The following ZNF253 variants were observed in gnomAD, a reference collection of about 807,000 sequenced individuals.
The protein encoded by ZNF253 is zinc finger protein 253.
Under a neutral mutation model 11.9 loss-of-function variants are expected in ZNF253, and 8 were observed. The observed-to-expected ratio is 0.67, with a 90% CI of 0.40 to 1.22. ZNF253 has a LOEUF of 1.22. ZNF253 is among the 50% of genes most tolerant of loss of function. The probability of loss-of-function intolerance (pLI) is 0.01; values close to 1 mark genes in which losing one functional copy is unlikely to be tolerated. For synonymous variants in ZNF253, 194 were observed against 194.9 expected, an observed-to-expected ratio of 1.00 and a Z score of 0.04; for missense variants, 485 against 586.9, an observed-to-expected ratio of 0.83 and a Z score of 1.79.
intron 1 of ZNF253, among the ~76,000 whole-genome samples, chr19:19,871,831 T>A (rs959379835): frequency 1.4e-4 from 21 of 152,206 alleles, no homozygotes; most frequent in Non-Finnish European, 2.1e-4. Flanking sequence ...GAAGATTTTC[T>A]GGGGCTGGAG....
intron 1 of ZNF253, among the ~76,000 whole-genome samples, chr19:19,877,538 GCTAATTT>G (rs2063160600): frequency 6.6e-6 from 1 of 152,100 alleles, no homozygotes; most frequent in Admixed American, 6.5e-5. Flanking sequence ...ACAACGCCCA[GCTAATTT>G]TGTATTATCA....
At position 19,888,907 on chromosome 19, in the gene ZNF253, A is replaced by G. The variant is rs549261333; in HGVS notation, c.227-2567A>G. 4.0e-3 allele frequency among the ~76,000 whole-genome samples: 607 copies of G among 152,260 alleles called. 2 individuals are homozygous for G. The highest frequency in any genetic ancestry group is 6.1e-3 in the Non-Finnish European group (415 of 68,002). ...GGTAGGGCATATGCAGTGCCAATAT[A>G]CTTTCTTAGGATTTGGTTATTTTGG... On this transcript the variant is annotated intron_variant, in intron 3 of 3. Coordinates refer to ENST00000589717, the MANE Select transcript of ZNF253 (RefSeq NM_021047.3).
chr19:19,878,205 A>G (rs2063163248), intron 1 of ZNF253, among the ~76,000 whole-genome samples: 1 of 152,212 alleles, frequency 6.6e-6, no homozygotes, highest in Non-Finnish European at 1.5e-5. Flanking sequence ...CAAATATAGC[A>G]CTAAAAAATG....
intron 3 of ZNF253, among the ~76,000 whole-genome samples, chr19:19,883,762 G>A (rs1413229518): frequency 6.6e-6 from 1 of 151,928 alleles, no homozygotes; most frequent in African/African-American, 2.4e-5. Flanking sequence ...GACTACTTAT[G>A]ATACCTCATA....
chr19:19,879,855 C>G (rs1004070217), intron 2 of ZNF253, among the ~76,000 whole-genome samples, 196 bp from the exon 3 acceptor site: 6 of 152,052 alleles, frequency 3.9e-5, no homozygotes, highest in Admixed American at 3.3e-4. Flanking sequence ...ATTTTTGATT[C>G]AGTAGTATCA....
chr19:19,866,117 C>T, intron 1 of ZNF253, 118 bp downstream of exon 1: 4 of 1,383,020 alleles, frequency 2.9e-6, no homozygotes, highest in Non-Finnish European at 4.1e-6. Context: ...CCGGAGTTCT[C>T]CCTGCCCAGC....
chr19:19,876,409 T>C (rs1294035176), intron 1 of ZNF253, among the ~76,000 whole-genome samples: 1 of 152,204 alleles, frequency 6.6e-6, no homozygotes, highest in Non-Finnish European at 1.5e-5. Context: ...TAGGTCAGTG[T>C]GGCACATATT....
At chr19:19,883,430 A>T (rs538440576) in intron 3 of ZNF253, among the ~76,000 whole-genome samples, 11 of 152,138 alleles carry the variant, frequency 7.2e-5, no homozygotes, top group African/African-American at 2.2e-4. Flanking sequence ...TGGGGAATAT[A>T]TGGAGACCTC....
In ZNF253 at chr19:19,885,033, C is replaced by T. The variant is rs188620921; in HGVS notation, c.226+4887C>T. Among the ~76,000 whole-genome samples the T allele has an allele frequency of 1.1e-4, 16 of 152,100 alleles. No individual in the cohort carries two copies. In the East Asian group the frequency reaches 3.1e-3, roughly 29 times the overall value. ...ATATTTTGAATATTAACTCTTTTAA[C>T]AAGTAATATGTAAATGTTTTCAACT... On this transcript the variant is annotated intron_variant, in intron 3 of 3. Transcript: ENST00000589717.
chr19:19,867,403 C>T (rs963502075), intron 1 of ZNF253, among the ~76,000 whole-genome samples: 3 of 151,988 alleles, frequency 2.0e-5, no homozygotes, highest in Admixed American at 6.6e-5. Context: ...CACTTATTGC[C>T]CAGGCTAGAG....
chr19:19,889,374 T>C (rs907151114), intron 3 of ZNF253, among the ~76,000 whole-genome samples: 2 of 152,114 alleles, frequency 1.3e-5, no homozygotes, highest in Non-Finnish European at 2.9e-5. Context: ...TGAGACAGAG[T>C]CTCACTCTGT....
At chr19:19,888,412 CTCTT>C (rs1363410288) in intron 3 of ZNF253, among the ~76,000 whole-genome samples, 3 of 148,518 alleles carry the variant, frequency 2.0e-5, no homozygotes, top group East Asian at 2.0e-4. Context: ...GTCTCTTTTT[CTCTT>C]TCTGTCTTTT....
Position 19,891,568 on chromosome 19 carries a change from T to C in ZNF253, c.321T>C (p.His107=). The C allele has an allele frequency of 3.7e-6, 6 of 1,614,046 alleles. No individual in the cohort carries two copies. The highest frequency in any genetic ancestry group is 5.1e-6 in the Non-Finnish European group (6 of 1,179,986). Residue 107 remains histidine (H), a synonymous_variant, in exon 4 of 4, where the codon CAT becomes CAC. Transcript: ENST00000589717. ...TGAGAAGATATGAAGAATGCAGACA[T>C]GACAATTTACAGTTAAAAAAAGGCT... The part of the protein sequence containing the change: ...GMLRRYEECR[H]DNLQLKKGCK...
At position 19,866,812 on chromosome 19, in the gene ZNF253, C is replaced by G. The variant is rs7250887; in HGVS notation, c.3+813C>G. 7.7e-3 allele frequency among the ~76,000 whole-genome samples: 1,173 copies of G among 152,226 alleles called. 16 individuals are homozygous for G. Among genetic ancestry groups the G allele is most frequent in the African/African-American group, 0.027 (1,104 of 41,538 alleles). On this transcript the variant is annotated intron_variant, in intron 1 of 3. Transcript: ENST00000589717. ...CCGTTATTGCCTCTGTGTCCTTCCC[C>G]CATTGGCCGGGGTCTGACCTCACAA...
intron 1 of ZNF253, among the ~76,000 whole-genome samples, chr19:19,875,991 T>G (rs1599552080): frequency 6.6e-6 from 1 of 151,470 alleles, no homozygotes; most frequent in Admixed American, 6.6e-5. Flanking sequence ...AAATATAGAC[T>G]TATTCAGACA....
At chr19:19,868,895 A>G (rs1042552340) in intron 1 of ZNF253, among the ~76,000 whole-genome samples, 10 of 152,168 alleles carry the variant, frequency 6.6e-5, no homozygotes, top group Admixed American at 2.6e-4. Flanking sequence ...AATTTAGGTT[A>G]TATGTAGATG....
intron 1 of ZNF253, chr19:19,871,146 A>T (rs28664038): frequency 0.15 from 23,344 of 152,092 alleles, 4,089 homozygotes; most frequent in African/African-American, 0.43. Flanking sequence ...ATCTGGACTC[A>T]TGCTGGAAAT....
chr19:19,893,023 G>A lies in ZNF253; in HGVS notation c.*276G>A, dbSNP rs963329176. The A allele has an allele frequency of 2.8e-6, 1 of 362,776 alleles. No homozygotes were observed. The highest frequency in any genetic ancestry group is 2.1e-5 in the African/African-American group (1 of 47,252). 22.5% of individuals were successfully genotyped at this position (362,776 alleles called of 1,614,324 possible). ...ATGGAGTTTCACTCTTGTCACCGAG[G>A]CTGGAGTGCAATGACATGATCTCCG... is the stretch of plus-strand genomic sequence containing the variant. On this transcript the variant is annotated 3_prime_UTR_variant, in exon 4 of 4. Coordinates refer to ENST00000589717, the MANE Select transcript of ZNF253 (RefSeq NM_021047.3).
At chr19:19,888,334 G>A (rs2063214954) in intron 3 of ZNF253, among the ~76,000 whole-genome samples, 1 of 152,124 alleles carries the variant, frequency 6.6e-6, no homozygotes, top group Non-Finnish European at 1.5e-5. Context: ...AATGTGCTGG[G>A]ATTACAGGCG....
Sources: allele counts gnomAD v4.1 joint callset (sites outside exome capture counted in the v4.1 genomes callset), GRCh38; gene constraint gnomAD v4.1.1; transcripts MANE v1.5; gene names NCBI Gene and HGNC (gene_info 2026-07-23, HGNC 2026-07-21).